Variants in SPOCK3 observed in about 807,000 individuals in gnomAD.
SPOCK3 encodes testican-3.
A neutral mutation model predicts 56.6 loss-of-function variants in SPOCK3; 30 were observed. The ratio of observed to expected loss-of-function variants is 0.53; its 90% CI spans 0.40 to 0.72. SPOCK3 has a LOEUF of 0.72. Ranked by LOEUF, SPOCK3 falls within the 30% of genes least tolerant of loss-of-function variation. The probability of loss-of-function intolerance (pLI) is 0.00; values close to 1 mark genes in which losing one functional copy is unlikely to be tolerated. For synonymous variants in SPOCK3, 196 were observed against 183.3 expected, an observed-to-expected ratio of 1.07 and a Z score of -0.56; for missense variants, 527 against 530.0, an observed-to-expected ratio of 0.99 and a Z score of 0.06.
chr4:167,180,240 T>G (rs1220189361), intron 2 of SPOCK3, among the ~76,000 whole-genome samples: 3 of 152,184 alleles, frequency 2.0e-5, no homozygotes, highest in Non-Finnish European at 2.9e-5. Context: ...TCTGGAATGC[T>G]TCTGACATAG....
At chr4:166,745,737 G>A (rs1181481863) in intron 8 of SPOCK3, among the ~76,000 whole-genome samples, 2 of 152,160 alleles carry the variant, frequency 1.3e-5, no homozygotes, top group Admixed American at 1.3e-4. Flanking sequence ...CTGTATTCAG[G>A]AGACCCATCT....
intron 3 of SPOCK3, among the ~76,000 whole-genome samples, chr4:167,024,378 G>C (rs1197383231): frequency 1.3e-5 from 2 of 151,958 alleles, no homozygotes; most frequent in African/African-American, 2.4e-5. Context: ...GGTAAGATCA[G>C]GAGCTCAAAT....
chr4:167,196,086 T>C (rs1732922314), intron 2 of SPOCK3, among the ~76,000 whole-genome samples: 1 of 152,180 alleles, frequency 6.6e-6, no homozygotes, highest in Non-Finnish European at 1.5e-5. Context: ...AAAAATTGTA[T>C]CATACAGAGC....
intron 5 of SPOCK3, among the ~76,000 whole-genome samples, chr4:166,909,017 A>G (rs1056154998): frequency 1.3e-5 from 2 of 152,112 alleles, no homozygotes; most frequent in African/African-American, 4.8e-5. Context: ...TTCTTTTAAA[A>G]AGAAAGATTA....
At chr4:166,750,940 C>A (rs1372985410) in intron 8 of SPOCK3, among the ~76,000 whole-genome samples, 1 of 152,094 alleles carries the variant, frequency 6.6e-6, no homozygotes, top group African/African-American at 2.4e-5. Flanking sequence ...TCTAAGTTGG[C>A]AGCATATGGC....
intron 4 of SPOCK3, among the ~76,000 whole-genome samples, chr4:166,964,017 A>G (rs1483338917): frequency 6.6e-6 from 1 of 151,748 alleles, no homozygotes; most frequent in East Asian, 1.9e-4. Context: ...TTCCTTTCAC[A>G]TAATAATTAG....
chr4:167,221,831 A>G (rs1019841684), intron 2 of SPOCK3, among the ~76,000 whole-genome samples: 4 of 152,194 alleles, frequency 2.6e-5, no homozygotes, highest in Non-Finnish European at 5.9e-5. Flanking sequence ...GGTGCAAAAA[A>G]ATTGGAACCC....
chr4:167,059,375 C>T (rs1375595140), intron 3 of SPOCK3, among the ~76,000 whole-genome samples: 22 of 152,104 alleles, frequency 1.4e-4, no homozygotes, highest in East Asian at 3.9e-4. Flanking sequence ...AGAAGACATT[C>T]ATGCAGCCAA....
intron 2 of SPOCK3, among the ~76,000 whole-genome samples, chr4:167,233,508 T>C (rs953606094): frequency 6.6e-6 from 1 of 152,174 alleles, no homozygotes; most frequent in Non-Finnish European, 1.5e-5. Context: ...CCAAACATCC[T>C]CCCACCCTTG....
chr4:166,775,120 G>A (rs1300635997), intron 7 of SPOCK3, among the ~76,000 whole-genome samples: 1 of 152,106 alleles, frequency 6.6e-6, no homozygotes, highest in Non-Finnish European at 1.5e-5. Flanking sequence ...TGAGGGAAGG[G>A]CATTCCAGGT....
At position 167,154,668 on chromosome 4, in the gene SPOCK3, G is replaced by T. The variant is rs990866230; in HGVS notation, c.189+79317C>A. 2.6e-5 allele frequency among the ~76,000 whole-genome samples: 4 copies of T among 152,056 alleles called. 1 individual carries two copies. In the South Asian group the frequency reaches 8.3e-4, roughly 32 times the overall value. On this transcript the variant is annotated intron_variant, in intron 2 of 10. Transcript: ENST00000357545. ...ATCCCCCCTGCCTATGATTACTTGG[G>T]ATTCAACAAAAATTGAAAATTTCTA... is the stretch of plus-strand genomic sequence containing the variant.
At chr4:167,049,422 C>T (rs192340928) in intron 3 of SPOCK3, among the ~76,000 whole-genome samples, 5 of 152,178 alleles carry the variant, frequency 3.3e-5, no homozygotes, top group Admixed American at 2.6e-4. Context: ...AGAGGGTTTA[C>T]GTGAAAGCAA....
chr4:166,748,432 T>C lies in SPOCK3; in HGVS notation c.931+6076A>G, dbSNP rs1468593931. On this transcript the variant is annotated intron_variant, in intron 8 of 10. Coordinates refer to ENST00000357545, the MANE Select transcript of SPOCK3 (RefSeq NM_001040159.2). ...TGGTGCTGGGAAAACTGGCTAGCCA[T>C]ATGTACAAAGCTGAAACTGGATGCC... is the stretch of plus-strand genomic sequence containing the variant. Among the ~76,000 whole-genome samples the C allele has an allele frequency of 4.4e-5, 6 of 136,808 alleles. 2 individuals are homozygous for C. Among genetic ancestry groups the C allele is most frequent in the African/African-American group, 6.3e-5 (2 of 31,914 alleles). The allele number at this position is 136,808 out of a possible 152,430, so 89.8% of individuals were successfully genotyped here. A position where few individuals can be genotyped will look rare whatever the true frequency, so the allele number is the denominator to read the frequency against.
chr4:166,942,192 C>T (rs910152233), intron 4 of SPOCK3, among the ~76,000 whole-genome samples: 19 of 151,772 alleles, frequency 1.3e-4, no homozygotes, highest in African/African-American at 3.9e-4. Flanking sequence ...TCGGTGTTTC[C>T]ATTTCCATTT....
intron 2 of SPOCK3, among the ~76,000 whole-genome samples, chr4:167,188,709 C>A (rs1732227267): frequency 1.4e-5 from 2 of 146,010 alleles, no homozygotes; most frequent in South Asian, 4.3e-4. Flanking sequence ...ACTTGTTAAA[C>A]ATCCACCAGA....
chr4:167,017,677 C>T (rs1405222664), intron 3 of SPOCK3, among the ~76,000 whole-genome samples: 2 of 152,064 alleles, frequency 1.3e-5, no homozygotes, highest in Admixed American at 6.6e-5. Context: ...CATCTCCATC[C>T]TCACTGCCAG....
chr4:167,032,888 G>C (rs1243869264), intron 3 of SPOCK3, among the ~76,000 whole-genome samples: 1 of 151,888 alleles, frequency 6.6e-6, no homozygotes, highest in Non-Finnish European at 1.5e-5. Flanking sequence ...GAGACAATGA[G>C]TACTGGTTAT....
chr4:166,954,653 A>T lies in SPOCK3; in HGVS notation c.351-41910T>A, dbSNP rs4361413. Among the ~76,000 whole-genome samples, 405 of 152,266 alleles carry T rather than the reference A, an allele frequency of 2.7e-3. 1 individual carries two copies. The highest frequency in any genetic ancestry group is 4.5e-3 in the Non-Finnish European group (304 of 68,012). On this transcript the variant is annotated intron_variant, in intron 4 of 10. Transcript: ENST00000357545. ...ATTTCTGGGCTCTCTATTCTAGTCCATTGGTCTGTGTTTCTACTGAAGCAT... is the reference window on the plus strand; with the variant it reads ...ATTTCTGGGCTCTCTATTCTAGTCCTTTGGTCTGTGTTTCTACTGAAGCAT...
In SPOCK3 at chr4:167,035,213, T is replaced by C. The variant is rs796074508; in HGVS notation, c.235+27279A>G. 5.3e-5 allele frequency among the ~76,000 whole-genome samples: 8 copies of C among 152,262 alleles called. No homozygotes were observed. The South Asian group carries it at 1.2e-3, about 24-fold the overall frequency. ...AAAAAAAGCTATTTCTTCTGTAGAC[T>C]GAATGACTCAAGAGACCTGATGTAG... On this transcript the variant is annotated intron_variant, in intron 3 of 10. Coordinates refer to ENST00000357545, the MANE Select transcript of SPOCK3 (RefSeq NM_001040159.2).
Sources: allele counts gnomAD v4.1 joint callset (sites outside exome capture counted in the v4.1 genomes callset), GRCh38; gene constraint gnomAD v4.1.1; transcripts MANE v1.5; gene names NCBI Gene and HGNC (gene_info 2026-07-23, HGNC 2026-07-21).